VPS35: variants seen among roughly 807,000 people sequenced by gnomAD.
The protein encoded by VPS35 is VPS35 retromer complex component.
Under a neutral mutation model 98.1 loss-of-function variants are expected in VPS35, and 21 were observed. The ratio of observed to expected loss-of-function variants is 0.21; its 90% CI spans 0.15 to 0.31. The LOEUF is 0.31. Among genes scored for constraint, VPS35 ranks in the 10% least tolerant of loss-of-function variants. VPS35 has a pLI of 1.00. For synonymous variants in VPS35, 268 were observed against 318.2 expected (o/e 0.84, Z 1.68); for missense variants, 554 against 950.8 (o/e 0.58, Z 5.49).
chr16:46,685,757 G>A (rs1016958952), intron 1 of VPS35, among the ~76,000 whole-genome samples: 10 of 152,092 alleles, frequency 6.6e-5, no homozygotes, highest in Non-Finnish European at 1.2e-4. Flanking sequence ...ACCTCTGGAC[G>A]CAATAGATTT....
chr16:46,667,951 G>A (rs552015055), intron 13 of VPS35, among the ~76,000 whole-genome samples: 2 of 152,190 alleles, frequency 1.3e-5, no homozygotes, highest in East Asian at 1.9e-4. Flanking sequence ...TAGGCTGGTT[G>A]CTATTTTTAT....
Position 46,658,938 on chromosome 16 carries a change from G to GAAT in VPS35, c.*1531_*1533dup, listed in dbSNP as rs1472245257. ...GTGGAGCTTAATTCTCCTTACCCTT[G>GAAT]AATATAGGCTAGACTTAGTGACTCC... On this transcript the variant is annotated 3_prime_UTR_variant, in exon 17 of 17. Transcript: ENST00000299138. The GAAT allele has an allele frequency of 6.6e-6, 1 of 152,180 alleles. No individual in the cohort carries two copies. Among genetic ancestry groups the GAAT allele is most frequent in the East Asian group, 1.9e-4 (1 of 5,188 alleles). 9.4% of individuals were successfully genotyped at this position (152,180 alleles called of 1,614,324 possible).
chr16:46,658,545 TACTGACATTACCTTACTTGC>T lies in VPS35; in HGVS notation c.*1907_*1926del, dbSNP rs1965862854. 2.6e-5 allele frequency: 4 copies of T among 153,576 alleles called. No individual in the cohort carries two copies. The Admixed American group carries it at 2.6e-4, about 10-fold the overall frequency. 9.5% of individuals were successfully genotyped at this position (153,576 alleles called of 1,614,324 possible). The stretch of plus-strand genomic sequence containing the variant: ...AAAATAAGAGATAATTTACACACTG[TACTGACATTACCTTACTTGC>T]AAACCAAGCTCTCCAACTCAAGTGT... On this transcript the variant is annotated 3_prime_UTR_variant, in exon 17 of 17. Transcript: ENST00000299138.
At position 46,681,409 on chromosome 16, in the gene VPS35, A is replaced by T. The variant is rs757397775; in HGVS notation, c.291T>A (p.Leu97=). ...GGATAATGTTTCCAGCATACTGTAC[A>T]AGTTCGTAGAGATCTGCCACTTTCC... ...KGRKVADLYE[L]VQYAGNIIPR... is the part of the protein sequence containing the mutation. The change falls in exon 4 of 17, where the codon CTT becomes CTA. Residue 97 remains leucine, a synonymous_variant. Coordinates refer to ENST00000299138, the MANE Select transcript of VPS35 (RefSeq NM_018206.6). 1 of 1,613,768 alleles carries T rather than the reference A, an allele frequency of 6.2e-7. No individual in the cohort carries two copies. The highest frequency in any genetic ancestry group is 1.7e-5 in the Admixed American group (1 of 60,012).
At chr16:46,663,258 G>A in intron 13 of VPS35, 96 bp from the exon 14 acceptor site, 2 of 1,155,898 alleles carry the variant, frequency 1.7e-6, no homozygotes, top group African/African-American at 3.1e-5. Context: ...TAAGTTGTGT[G>A]CACAGTTTTC....
Position 46,661,988 on chromosome 16 carries a change from T to C in VPS35, c.2068-127A>G. The C allele has an allele frequency of 1.6e-5, 23 of 1,394,080 alleles. 1 individual carries two copies. In the South Asian group the frequency reaches 2.8e-4, roughly 17 times the overall value. 86.4% of individuals were successfully genotyped at this position (1,394,080 alleles called of 1,614,324 possible). ...ACATAACAAATTTAAATCCTTTTCATTCTCCTTCTTCTTGTTTTGAAGTAT... is the reference window on the plus strand; with the variant it reads ...ACATAACAAATTTAAATCCTTTTCACTCTCCTTCTTCTTGTTTTGAAGTAT... On this transcript the variant is annotated intron_variant, in intron 15 of 16. Coordinates refer to ENST00000299138, the MANE Select transcript of VPS35 (RefSeq NM_018206.6). This position sits in a 1 kb window ranked among gnomAD's most constrained non-coding sequence, Gnocchi z 4.3.
At chr16:46,686,706 C>G (rs1966322747) in intron 1 of VPS35, among the ~76,000 whole-genome samples, 1 of 152,188 alleles carries the variant, frequency 6.6e-6, no homozygotes, top group Non-Finnish European at 1.5e-5. Flanking sequence ...AGCACGCTAT[C>G]ATTAAACACA....
chr16:46,682,440 TAG>T (rs1474436439), intron 2 of VPS35: 6 of 396,244 alleles, frequency 1.5e-5, no homozygotes, highest in African/African-American at 4.1e-5. Context: ...TTTCAATCTA[TAG>T]AGACTAGGAA....
chr16:46,656,607 T>C lies in VPS35; in HGVS notation c.*3865A>G, dbSNP rs535869454. 2.9e-4 allele frequency: 44 copies of C among 152,360 alleles called. No individual in the cohort carries two copies. Among genetic ancestry groups the C allele is most frequent in the African/African-American group, 9.6e-4 (40 of 41,580 alleles). 9.4% of individuals were successfully genotyped at this position (152,360 alleles called of 1,614,324 possible). Reference sequence around the variant, plus strand: ...AGTTATGAAGCGTCCAAAGGTTTCCTTGTGTTTCTATTTCTCTAAGTGAAA... The same window carrying C: ...AGTTATGAAGCGTCCAAAGGTTTCCCTGTGTTTCTATTTCTCTAAGTGAAA... On this transcript the variant is annotated 3_prime_UTR_variant, in exon 17 of 17. Transcript: ENST00000299138.
In VPS35 at chr16:46,681,455, G is replaced by C. The variant is rs188245364; in HGVS notation, c.245C>G (p.Thr82Arg). The C allele has an allele frequency of 6.2e-7, 1 of 1,613,494 alleles. No individual in the cohort carries two copies. Among genetic ancestry groups the C allele is most frequent in the Non-Finnish European group, 8.5e-7 (1 of 1,179,698 alleles). The change falls in exon 4 of 17, where the codon ACA becomes AGA. Residue 82 changes from threonine (T) to arginine (R), a missense_variant. By Grantham distance (71) the Thr-to-Arg change is moderately conservative. Transcript: ENST00000299138. ...DELHYLEVYL[T>R]DEFAKGRKVA... ...TTTCCTTCCTTTAGCAAACTCATCT[G>C]TCAGGTAGACCTCCAAGTAGTGCAG...
At chr16:46,674,780 G>A (rs548079305) in intron 8 of VPS35, 120 bp from the exon 9 acceptor site, 19 of 1,000,746 alleles carry the variant, frequency 1.9e-5, no homozygotes, top group Non-Finnish European at 2.8e-5. Flanking sequence ...AAAGGTTTTT[G>A]TTTTTTTTGT....
At chr16:46,666,166 A>G (rs1596712776) in intron 13 of VPS35, among the ~76,000 whole-genome samples, 2 of 152,042 alleles carry the variant, frequency 1.3e-5, no homozygotes, top group South Asian at 4.2e-4. Flanking sequence ...GGCCTCCCAA[A>G]GTGCTAGGAT....
chr16:46,660,115 C>A lies in VPS35; in HGVS notation c.*357G>T, dbSNP rs1372889262. 5 of 190,938 alleles carry A rather than the reference C, an allele frequency of 2.6e-5. No homozygotes were observed. The highest frequency in any genetic ancestry group is 2.3e-4 in the Admixed American group (4 of 17,552). 11.8% of individuals were successfully genotyped at this position (190,938 alleles called of 1,614,324 possible). A position where few individuals can be genotyped will look rare whatever the true frequency, so the allele number is the denominator to read the frequency against. ...CCCAGGAATGAAGAAAATACACAAT[C>A]AACAATGAAGCAAACAAACAAACAA... On this transcript the variant is annotated 3_prime_UTR_variant, in exon 17 of 17. Coordinates refer to ENST00000299138, the MANE Select transcript of VPS35 (RefSeq NM_018206.6).
At position 46,660,521 on chromosome 16, in the gene VPS35, C is replaced by T. The variant is rs1298407365; in HGVS notation, c.2342G>A (p.Arg781Gln). The part of the protein sequence containing the change: ...HNTLEHLRLR[R>Q]ESPESEGPIY... ...TGGCCCCTCGGATTCTGGTGATTCC[C>T]GCCGCAAGCGCAAATGCTCCAGTGT... The change falls in exon 17 of 17, where the codon CGG becomes CAG. Residue 781 changes from arginine to glutamine, a missense_variant. By Grantham distance (43) the Arg-to-Gln change is conservative. Coordinates refer to ENST00000299138, the MANE Select transcript of VPS35 (RefSeq NM_018206.6). 3.7e-6 allele frequency: 6 copies of T among 1,613,904 alleles called. No individual in the cohort carries two copies. The highest frequency in any genetic ancestry group is 1.7e-5 in the Admixed American group (1 of 59,998).
In VPS35 at chr16:46,668,941, T is replaced by G. The variant is rs774595498; in HGVS notation, c.1636A>C (p.Asn546His). 3.7e-6 allele frequency: 6 copies of G among 1,614,010 alleles called. No individual in the cohort carries two copies. The highest frequency in any genetic ancestry group is 4.2e-6 in the Non-Finnish European group (5 of 1,180,026). ...AAAAGTAAACTCACCACTTTAGAAT[T>G]CTCTTTATATCGAAAAGCCAGCTGG... ...AYQLAFRYKE[N>H]SKVDDKWEKK... The change falls in exon 13 of 17, where the codon AAT becomes CAT. Residue 546 changes from asparagine to histidine, a missense_variant. This residue lies in a region of VPS35 where 254 missense variants were observed against 390.1 expected (regional missense o/e 0.65). Transcript: ENST00000299138.
Position 46,681,433 on chromosome 16 carries a change from C to T in VPS35, c.267G>A (p.Arg89=), listed in dbSNP as rs1430656222. The stretch of plus-strand genomic sequence containing the variant: ...CAAGTTCGTAGAGATCTGCCACTTT[C>T]CTTCCTTTAGCAAACTCATCTGTCA... ...VYLTDEFAKG[R]KVADLYELVQ... Residue 89 remains arginine (R), a synonymous_variant, in exon 4 of 17, where the codon AGG becomes AGA. Transcript: ENST00000299138. 6.8e-6 allele frequency: 11 copies of T among 1,613,642 alleles called. No individual in the cohort carries two copies. The highest frequency in any genetic ancestry group is 9.3e-6 in the Non-Finnish European group (11 of 1,179,782).
chr16:46,666,252 C>A (rs1254349166), intron 13 of VPS35, among the ~76,000 whole-genome samples: 1 of 151,590 alleles, frequency 6.6e-6, no homozygotes, highest in Non-Finnish European at 1.5e-5. Context: ...TACCACCACG[C>A]CTGGCTAATT....
In VPS35 at chr16:46,683,776, G is replaced by C. The variant is rs559959452; in HGVS notation, c.4-170C>G. On this transcript the variant is annotated intron_variant, in intron 1 of 16. Transcript: ENST00000299138. ...GTCTAGCTCTGTCGCCCAGGCTGGA[G>C]TGCAGTGGTGCCATCTCGGCTCATG... Among the ~76,000 whole-genome samples, 16 of 152,214 alleles carry C rather than the reference G, an allele frequency of 1.1e-4. 1 individual carries two copies. In the South Asian group the frequency reaches 3.1e-3, roughly 30 times the overall value.
At chr16:46,688,731 G>A (rs893104728) in intron 1 of VPS35, 2 of 1,183,306 alleles carry the variant, frequency 1.7e-6, no homozygotes, top group Non-Finnish European at 2.1e-6. Context: ...GGCGGGTCCC[G>A]GCGCCACCTC....
Sources: allele counts gnomAD v4.1 joint callset (sites outside exome capture counted in the v4.1 genomes callset), GRCh38; gene constraint gnomAD v4.1.1; regional missense constraint gnomAD v4.1.1; non-coding constraint Gnocchi (gnomAD v3.1); transcripts MANE v1.5; gene names NCBI Gene and HGNC (gene_info 2026-07-23, HGNC 2026-07-21).